The following TTC28 variants were observed in gnomAD, a reference collection of about 807,000 sequenced individuals.
TTC28 encodes the protein tetratricopeptide repeat protein 28.
Under a neutral mutation model 198.0 loss-of-function variants are expected in TTC28, and 61 were observed. The observed-to-expected ratio is 0.31, with a 90% CI of 0.25 to 0.38. The LOEUF is 0.38. Among genes scored for constraint, TTC28 ranks in the 10% least tolerant of loss-of-function variants. The pLI, the probability that TTC28 is intolerant of heterozygous loss-of-function variation, is 1.00. For synonymous variants in TTC28, 1,171 were observed against 1,297.8 expected (o/e 0.90, Z 2.10); for missense variants, 2,678 against 3,164.0 (o/e 0.85, Z 3.69).
intron 5 of TTC28, among the ~76,000 whole-genome samples, chr22:28,187,259 A>G (rs1250464975): frequency 6.6e-6 from 1 of 152,222 alleles, no homozygotes; most frequent in African/African-American, 2.4e-5. Flanking sequence ...TAAAGCCTGG[A>G]AAGAAGTGAA....
At chr22:28,436,596 T>C (rs144900098) in intron 2 of TTC28, among the ~76,000 whole-genome samples, 225 of 152,338 alleles carry the variant, frequency 1.5e-3, no homozygotes, top group African/African-American at 5.1e-3. Context: ...TAGTGAGCCA[T>C]GTCCAGCTAG....
intron 12 of TTC28, among the ~76,000 whole-genome samples, chr22:28,081,152 TACACACAC>T (rs59531236): frequency 4.0e-5 from 6 of 149,030 alleles, no homozygotes; most frequent in African/African-American, 9.9e-5. Flanking sequence ...TGGACATACA[TACACACAC>T]ACACACACAC....
intron 2 of TTC28, among the ~76,000 whole-genome samples, chr22:28,378,241 G>C (rs1483557425): frequency 1.3e-5 from 2 of 150,578 alleles, no homozygotes; most frequent in African/African-American, 4.9e-5. Flanking sequence ...AGCTGCTTGG[G>C]AGGCTGAGGC....
intron 5 of TTC28, among the ~76,000 whole-genome samples, chr22:28,205,107 G>A (rs538336214): frequency 1.3e-5 from 2 of 152,022 alleles, no homozygotes; most frequent in African/African-American, 4.8e-5. Flanking sequence ...GTGTTTTCAT[G>A]TTTCTTTATT....
At chr22:28,165,240 T>G (rs539623937) in intron 5 of TTC28, among the ~76,000 whole-genome samples, 73 of 152,342 alleles carry the variant, frequency 4.8e-4, no homozygotes, top group East Asian at 3.1e-3. Context: ...TGGAACCAAG[T>G]TGGAAAACAC....
chr22:28,424,219 C>T (rs889961141), intron 2 of TTC28, among the ~76,000 whole-genome samples: 2 of 152,156 alleles, frequency 1.3e-5, no homozygotes, highest in African/African-American at 4.8e-5. Context: ...ACACTTTACA[C>T]TCCCACAATA....
Position 28,197,156 on chromosome 22 carries a change from C to T in TTC28, c.934-33557G>A, listed in dbSNP as rs187104772. Among the ~76,000 whole-genome samples, 27 of 151,492 alleles carry T rather than the reference C, an allele frequency of 1.8e-4. No homozygotes were observed. In the East Asian group the frequency reaches 5.1e-3, roughly 28 times the overall value. The stretch of plus-strand genomic sequence containing the variant: ...TGAAGCTGGAAACCATCACTCTCAG[C>T]AAACTATCGCAAGGACAAAAAACCA... On this transcript the variant is annotated intron_variant, in intron 5 of 22. Coordinates refer to ENST00000397906, the MANE Select transcript of TTC28 (RefSeq NM_001145418.2).
At chr22:28,472,545 AAT>A (rs1568965788) in intron 2 of TTC28, among the ~76,000 whole-genome samples, 70 of 121,300 alleles carry the variant, frequency 5.8e-4, no homozygotes, top group Non-Finnish European at 1.1e-3. Flanking sequence ...ACAAAAAGAA[AAT>A]GTGTATGTGT....
intron 22 of TTC28, 66 bp from the exon 23 acceptor site, chr22:27,983,917 A>G: frequency 1.4e-6 from 2 of 1,468,940 alleles, no homozygotes; most frequent in African/African-American, 2.9e-5. Flanking sequence ...TTTTCTTTCA[A>G]AATTTACGAC....
chr22:28,508,626 TAAG>T (rs765209513), intron 2 of TTC28, among the ~76,000 whole-genome samples: 10 of 152,066 alleles, frequency 6.6e-5, no homozygotes, highest in Non-Finnish European at 1.0e-4. Context: ...AAAAAAAGAC[TAAG>T]AAGGGCATTA....
chr22:28,277,746 C>T (rs2044497843), intron 5 of TTC28, among the ~76,000 whole-genome samples: 1 of 152,032 alleles, frequency 6.6e-6, no homozygotes, highest in African/African-American at 2.4e-5. Flanking sequence ...AAAAATCATC[C>T]ATCCTCTTTA....
chr22:28,453,964 C>G (rs575902697), intron 2 of TTC28, among the ~76,000 whole-genome samples: 4 of 152,278 alleles, frequency 2.6e-5, no homozygotes, highest in African/African-American at 7.2e-5. Context: ...TTTACCATAC[C>G]TTCCCTTAAC....
At chr22:28,237,044 C>T (rs1225476629) in intron 5 of TTC28, among the ~76,000 whole-genome samples, 1 of 152,076 alleles carries the variant, frequency 6.6e-6, no homozygotes, top group African/African-American at 2.4e-5. Context: ...TCCTTTTTCC[C>T]CTCTTTATCC....
At chr22:28,384,211 C>G (rs1015406597) in intron 2 of TTC28, among the ~76,000 whole-genome samples, 1 of 152,168 alleles carries the variant, frequency 6.6e-6, no homozygotes, top group Non-Finnish European at 1.5e-5. Flanking sequence ...CCATCCTCTT[C>G]ATCACTCTTT....
chr22:28,631,453 T>C (rs1226688234), intron 1 of TTC28, among the ~76,000 whole-genome samples: 4 of 152,222 alleles, frequency 2.6e-5, no homozygotes, highest in Non-Finnish European at 4.4e-5. Flanking sequence ...AAGTTTTCTA[T>C]AATTTTATAG....
At chr22:28,093,978 G>A (rs559434363) in intron 12 of TTC28, 102 bp downstream of exon 12, 1 of 1,286,528 alleles carries the variant, frequency 7.8e-7, no homozygotes, top group South Asian at 1.6e-5. Context: ...GCAACTACAT[G>A]AATTCCAAAA....
intron 2 of TTC28, among the ~76,000 whole-genome samples, chr22:28,427,809 A>T (rs2047372661): frequency 6.6e-6 from 1 of 152,106 alleles, no homozygotes; most frequent in Non-Finnish European, 1.5e-5. Flanking sequence ...ATTAAAGTCA[A>T]ATTCAGGTAA....
At chr22:28,652,624 G>T (rs1468086089) in intron 1 of TTC28, among the ~76,000 whole-genome samples, 1 of 152,154 alleles carries the variant, frequency 6.6e-6, no homozygotes, top group East Asian at 1.9e-4. Context: ...CACCAGTCTA[G>T]AAATTTTTCA....
intron 5 of TTC28, among the ~76,000 whole-genome samples, chr22:28,185,217 C>T (rs908180652): frequency 6.6e-6 from 1 of 152,164 alleles, no homozygotes; most frequent in Admixed American, 6.5e-5. Flanking sequence ...CCCATAAACA[C>T]AGGCTGTTTC....
Sources: gnomAD v4.1 joint callset for allele counts (sites outside exome capture counted in the v4.1 genomes callset) on GRCh38, gnomAD v4.1.1 for gene constraint, MANE v1.5 for transcripts, NCBI Gene and HGNC (gene_info 2026-07-23, HGNC 2026-07-21) for gene names.